The following MALRD1 variants were observed in gnomAD, a reference collection of about 807,000 sequenced individuals.
MALRD1 encodes the protein MAM and LDL receptor class A domain containing 1.
In MALRD1, 247 loss-of-function variants were observed where a neutral mutation model predicts 242.1. That is an observed-to-expected ratio of 1.02 (90% CI 0.92 to 1.13). MALRD1 has a LOEUF of 1.13. Ranked by LOEUF, MALRD1 falls within the 50% of genes most tolerant of loss-of-function variation. The pLI is 0.00. For missense variants in MALRD1, 2,989 were observed against 2,533.1 expected, an observed-to-expected ratio of 1.18 and a Z score of -3.86; for synonymous variants, 995 against 866.6, an observed-to-expected ratio of 1.15 and a Z score of -2.60.
At chr10:19,564,422 A>C (rs559466507) in intron 32 of MALRD1, among the ~76,000 whole-genome samples, 1 of 152,192 alleles carries the variant, frequency 6.6e-6, no homozygotes, top group Non-Finnish European at 1.5e-5. Context: ...ATCATAATAT[A>C]ACCTTTGTAT....
chr10:19,419,087 C>A (rs1833619407), intron 28 of MALRD1, among the ~76,000 whole-genome samples: 2 of 152,194 alleles, frequency 1.3e-5, no homozygotes, highest in South Asian at 4.1e-4. Flanking sequence ...CTCCAGCTAA[C>A]CGCCTTCCTT....
At chr10:19,467,646 C>G (rs1337556517) in intron 29 of MALRD1, among the ~76,000 whole-genome samples, 1 of 150,820 alleles carries the variant, frequency 6.6e-6, no homozygotes, top group Non-Finnish European at 1.5e-5. Context: ...TGAACCATAC[C>G]TTATTCCAAA....
chr10:19,653,707 A>G (rs750257161), intron 36 of MALRD1, among the ~76,000 whole-genome samples: 7 of 152,086 alleles, frequency 4.6e-5, no homozygotes, highest in Non-Finnish European at 8.8e-5. Context: ...GTAATTTCAA[A>G]CTTCTTCTGT....
chr10:19,048,697 TC>T (rs1834400373), upstream of MALRD1: 4 of 320,830 alleles, frequency 1.2e-5, no homozygotes, highest in South Asian at 3.1e-4. Context: ...GCAATAATCA[TC>T]TATAGTTAGC....
intron 28 of MALRD1, among the ~76,000 whole-genome samples, chr10:19,407,709 T>C (rs1378504793): frequency 6.6e-6 from 1 of 152,184 alleles, no homozygotes; most frequent in Non-Finnish European, 1.5e-5. Context: ...AGGATTCCTA[T>C]GGATGTGGAA....
chr10:19,553,691 A>C (rs1835592457), intron 32 of MALRD1, among the ~76,000 whole-genome samples: 1 of 152,190 alleles, frequency 6.6e-6, no homozygotes, highest in Non-Finnish European at 1.5e-5. Context: ...TATTTAAATT[A>C]TTCTCCCTGT....
chr10:19,624,775 A>C (rs949755800), intron 36 of MALRD1, among the ~76,000 whole-genome samples: 1 of 151,054 alleles, frequency 6.6e-6, no homozygotes, highest in Non-Finnish European at 1.5e-5. Flanking sequence ...CTAAGGCAGG[A>C]GAATCACCTG....
intron 38 of MALRD1, among the ~76,000 whole-genome samples, chr10:19,701,440 C>T (rs762230108): frequency 6.6e-6 from 1 of 152,122 alleles, no homozygotes; most frequent in African/African-American, 2.4e-5. Flanking sequence ...GGTGTACCAG[C>T]CTGCTGTGCC....
At chr10:19,315,591 A>AAATATAAATAT (rs1258284439) in intron 21 of MALRD1, among the ~76,000 whole-genome samples, 14,265 of 69,022 alleles carry the variant, frequency 0.21, 2,285 homozygotes, top group Middle Eastern at 0.27. Context: ...TAAATTATAA[A>AAATATAAATAT]TATTTATATA....
At chr10:19,267,642 T>C (rs923135944) in intron 19 of MALRD1, among the ~76,000 whole-genome samples, 5 of 152,176 alleles carry the variant, frequency 3.3e-5, no homozygotes, top group Non-Finnish European at 7.4e-5. Context: ...CAGCTTTTCA[T>C]CTTCTAATAC....
intron 33 of MALRD1, among the ~76,000 whole-genome samples, chr10:19,584,907 T>C (rs1837310093): frequency 6.6e-6 from 1 of 151,936 alleles, no homozygotes; most frequent in South Asian, 2.1e-4. Context: ...ATCTGGGTGC[T>C]CCTGTATTGG....
At chr10:19,512,876 C>T (rs1012599878) in intron 31 of MALRD1, among the ~76,000 whole-genome samples, 5 of 151,980 alleles carry the variant, frequency 3.3e-5, no homozygotes, top group Non-Finnish European at 7.4e-5. Context: ...TCATGGAGTG[C>T]ATAGTTTTAA....
At chr10:19,425,581 G>C (rs12267414) in intron 28 of MALRD1, among the ~76,000 whole-genome samples, 2 of 152,040 alleles carry the variant, frequency 1.3e-5, no homozygotes, top group Non-Finnish European at 2.9e-5. Flanking sequence ...AACTGTTCTC[G>C]ATGGGCTGCA....
chr10:19,504,101 T>C (rs1838092709), intron 31 of MALRD1, among the ~76,000 whole-genome samples: 1 of 152,174 alleles, frequency 6.6e-6, no homozygotes, highest in African/African-American at 2.4e-5. Context: ...TACAACTCAA[T>C]TTGATATTTG....
At chr10:19,220,796 G>A (rs912457042) in intron 18 of MALRD1, among the ~76,000 whole-genome samples, 2 of 152,104 alleles carry the variant, frequency 1.3e-5, no homozygotes, top group African/African-American at 4.8e-5. Flanking sequence ...AGTATCAATG[G>A]CAGTCATAGA....
intron 35 of MALRD1, among the ~76,000 whole-genome samples, chr10:19,614,733 G>A (rs535472877): frequency 7.2e-5 from 11 of 152,000 alleles, no homozygotes; most frequent in Non-Finnish European, 1.6e-4. Context: ...AAATGCTCTT[G>A]TTAAACTGGA....
intron 29 of MALRD1, among the ~76,000 whole-genome samples, chr10:19,472,256 T>G (rs922822454): frequency 1.6e-4 from 25 of 152,196 alleles, no homozygotes; most frequent in African/African-American, 6.0e-4. Context: ...AAATCACACT[T>G]GATCAGGGTA....
chr10:19,053,797 AT>A (rs1229296860), intron 1 of MALRD1, among the ~76,000 whole-genome samples: 1 of 77,756 alleles, frequency 1.3e-5, no homozygotes, highest in African/African-American at 8.1e-5. Flanking sequence ...CTTCAATATA[AT>A]AAAAAAAAAC....
chr10:19,360,668 TA>T (rs1844853616), intron 26 of MALRD1, among the ~76,000 whole-genome samples: 1 of 152,138 alleles, frequency 6.6e-6, no homozygotes, highest in African/African-American at 2.4e-5. Context: ...TTAATATACT[TA>T]AATTGCTTTT....
Sources: allele counts gnomAD v4.1 joint callset (sites outside exome capture counted in the v4.1 genomes callset), GRCh38; gene constraint gnomAD v4.1.1; transcripts MANE v1.5; gene names NCBI Gene and HGNC (gene_info 2026-07-23, HGNC 2026-07-21).